Variants in ASH1L observed in about 807,000 individuals in gnomAD.
ASH1L encodes ASH1 like histone lysine methyltransferase.
ASH1L carries 23 observed loss-of-function variants against 269.0 expected under a neutral mutation model. The ratio of observed to expected loss-of-function variants is 0.09; its 90% CI spans 0.06 to 0.12. The LOEUF (loss-of-function observed/expected upper bound fraction) is 0.12, where lower values mean the gene tolerates loss of function less well. Among genes scored for constraint, ASH1L ranks in the 10% least tolerant of loss-of-function variants. The probability of loss-of-function intolerance (pLI) is 1.00; values close to 1 mark genes in which losing one functional copy is unlikely to be tolerated. For missense variants in ASH1L, 2,912 were observed against 3,567.8 expected, an observed-to-expected ratio of 0.82 and a Z score of 4.68; for synonymous variants, 1,187 against 1,253.5, an observed-to-expected ratio of 0.95 and a Z score of 1.12.
intron 1 of ASH1L, among the ~76,000 whole-genome samples, chr1:155,558,426 G>A (rs750996230): frequency 6.6e-5 from 10 of 152,090 alleles, no homozygotes; most frequent in East Asian, 1.9e-4. Flanking sequence ...AGCTGAGATC[G>A]CGCTGTTGCA....
intron 21 of ASH1L, 111 bp downstream of exon 21, chr1:155,346,272 G>C: frequency 6.4e-7 from 1 of 1,553,522 alleles, no homozygotes; most frequent in Non-Finnish European, 8.8e-7. Flanking sequence ...GGCCCAGAGA[G>C]GCTGAACAAC....
chr1:155,512,186 T>C (rs72995124), intron 2 of ASH1L, among the ~76,000 whole-genome samples: 243 of 151,728 alleles, frequency 1.6e-3, no homozygotes, highest in African/African-American at 5.7e-3. Flanking sequence ...CAATCCTTTA[T>C]CACAATCTCA....
chr1:155,522,821 G>A (rs1321389930), intron 1 of ASH1L, among the ~76,000 whole-genome samples: 1 of 151,896 alleles, frequency 6.6e-6, no homozygotes, highest in East Asian at 1.9e-4. Flanking sequence ...CGAGTAGCTG[G>A]CATTACAGGC....
chr1:155,506,711 AAG>A (rs1001303184), intron 2 of ASH1L, among the ~76,000 whole-genome samples: 1 of 152,134 alleles, frequency 6.6e-6, no homozygotes, highest in African/African-American at 2.4e-5. Context: ...AAAAAAGAAA[AAG>A]AAACATTAAT....
chr1:155,555,086 G>A (rs984908831), intron 1 of ASH1L, among the ~76,000 whole-genome samples: 2 of 148,132 alleles, frequency 1.4e-5, no homozygotes, highest in African/African-American at 5.0e-5. Flanking sequence ...GAGGTGCAGT[G>A]AGCCGAGATC....
At chr1:155,400,329 C>CAAA (rs746649436) in intron 6 of ASH1L, among the ~76,000 whole-genome samples, 1 of 105,208 alleles carries the variant, frequency 9.5e-6, no homozygotes. Flanking sequence ...GAGACTGTCT[C>CAAA]AAAAAAAAAA....
At chr1:155,419,889 A>C (rs371780852) in intron 5 of ASH1L, among the ~76,000 whole-genome samples, 1 of 152,252 alleles carries the variant, frequency 6.6e-6, no homozygotes, top group Admixed American at 6.5e-5. Context: ...AAACACCCAA[A>C]GACTCTACAA....
chr1:155,492,230 T>C (rs771559265), intron 2 of ASH1L, among the ~76,000 whole-genome samples: 1 of 151,240 alleles, frequency 6.6e-6, no homozygotes, highest in African/African-American at 2.4e-5. Flanking sequence ...GTATTTTTGG[T>C]AGAGACAGGG....
chr1:155,475,130 A>G (rs1165565985), intron 3 of ASH1L, among the ~76,000 whole-genome samples: 1 of 151,964 alleles, frequency 6.6e-6, no homozygotes, highest in Non-Finnish European at 1.5e-5. Flanking sequence ...ATCTTAAAAC[A>G]TGTTCTTCAC....
At chr1:155,423,769 C>T (rs538144586) in intron 5 of ASH1L, among the ~76,000 whole-genome samples, 6 of 152,222 alleles carry the variant, frequency 3.9e-5, no homozygotes, top group South Asian at 2.1e-4. Flanking sequence ...CTCAGTCTCT[C>T]GCTCAGGCTG....
At position 155,479,582 on chromosome 1, in the gene ASH1L, A is replaced by G. The variant is rs779236861; in HGVS notation, c.3288T>C (p.Ser1096=). 6.2e-7 allele frequency: 1 copy of G among 1,614,240 alleles called. No individual in the cohort carries two copies. Among genetic ancestry groups the G allele is most frequent in the Non-Finnish European group, 8.5e-7 (1 of 1,180,036 alleles). ...ATGGAAGAATCTCAGAACTACTAGC[A>G]GATGAAGGCAGTAATGGGGGAAGAA... ...GQILPPLLPS[S]ASSSEILPSP... The change falls in exon 3 of 28, where the codon TCT becomes TCC. Residue 1096 remains serine, a synonymous_variant. Transcript: ENST00000392403.
At chr1:155,512,947 C>A (rs1010353776) in intron 2 of ASH1L, among the ~76,000 whole-genome samples, 2 of 151,758 alleles carry the variant, frequency 1.3e-5, no homozygotes, top group Non-Finnish European at 2.9e-5. Flanking sequence ...GCCGCGGCTT[C>A]TTGGGAGGCT....
At chr1:155,433,374 C>G (rs530496991) in intron 5 of ASH1L, 4 of 1,598,478 alleles carry the variant, frequency 2.5e-6, no homozygotes, top group South Asian at 1.1e-5. Flanking sequence ...CCATGCCCCC[C>G]GCTGTATGAG....
At chr1:155,468,937 C>G (rs1422724456) in intron 3 of ASH1L, among the ~76,000 whole-genome samples, 1 of 151,988 alleles carries the variant, frequency 6.6e-6, no homozygotes, top group Non-Finnish European at 1.5e-5. Flanking sequence ...AAGGAAAAAG[C>G]AAATAATAAA....
At chr1:155,346,610 G>A in intron 20 of ASH1L, 141 bp from the exon 21 acceptor site, 1 of 681,618 alleles carries the variant, frequency 1.5e-6, no homozygotes, top group Non-Finnish European at 2.6e-6. Context: ...TGATAAATTA[G>A]AGATAAATGG....
intron 2 of ASH1L, among the ~76,000 whole-genome samples, chr1:155,484,654 C>T (rs6691371): frequency 0.037 from 5,629 of 151,816 alleles, 363 homozygotes; most frequent in African/African-American, 0.13. Context: ...GCCAGCCAGG[C>T]GCAGTGGCTC....
At chr1:155,537,296 CAAG>C (rs926521112) in intron 1 of ASH1L, among the ~76,000 whole-genome samples, 1 of 152,106 alleles carries the variant, frequency 6.6e-6, no homozygotes, top group Non-Finnish European at 1.5e-5. Flanking sequence ...AAGAAACAAA[CAAG>C]AAGAGTATTT....
In ASH1L at chr1:155,543,581, T is replaced by C. The variant is rs924764848; in HGVS notation, c.-100+18572A>G. Among the ~76,000 whole-genome samples the C allele has an allele frequency of 4.0e-5, 6 of 151,510 alleles. No homozygotes were observed. The East Asian group carries it at 7.8e-4, about 20-fold the overall frequency. ...TTTATTTGATATATGTGGCTATATG[T>C]TGACATAACTGGATATCCGTTGGCA... On this transcript the variant is annotated intron_variant, in intron 1 of 27. Coordinates refer to ENST00000392403, the MANE Select transcript of ASH1L (RefSeq NM_018489.3).
intron 26 of ASH1L, among the ~76,000 whole-genome samples, chr1:155,338,697 T>C (rs1002761670): frequency 2.0e-5 from 3 of 152,222 alleles, no homozygotes; most frequent in Non-Finnish European, 4.4e-5. Context: ...GCTTCATGAC[T>C]AGAGAAGCAC....
Sources: allele counts gnomAD v4.1 joint callset (sites outside exome capture counted in the v4.1 genomes callset), GRCh38; gene constraint gnomAD v4.1.1; transcripts MANE v1.5; gene names NCBI Gene and HGNC (gene_info 2026-07-23, HGNC 2026-07-21).